Variants in POLR1B observed in about 807,000 individuals in gnomAD.
POLR1B encodes the protein DNA-directed RNA polymerase I subunit RPA2.
Under a neutral mutation model 105.8 loss-of-function variants are expected in POLR1B, and 30 were observed. The ratio of observed to expected loss-of-function variants is 0.28; its 90% CI spans 0.21 to 0.38. The LOEUF (loss-of-function observed/expected upper bound fraction) is 0.38, where lower values mean the gene tolerates loss of function less well. POLR1B is among the 10% of genes least tolerant of loss of function. The probability of loss-of-function intolerance (pLI) is 1.00; values close to 1 mark genes in which losing one functional copy is unlikely to be tolerated. For synonymous variants in POLR1B, 485 were observed against 505.1 expected, an observed-to-expected ratio of 0.96 and a Z score of 0.53; for missense variants, 976 against 1,435.8, an observed-to-expected ratio of 0.68 and a Z score of 5.17.
At chr2:112,546,860 G>A (rs939270842) in intron 1 of POLR1B, 152 bp from the exon 2 acceptor site, 40 of 764,002 alleles carry the variant, frequency 5.2e-5, no homozygotes, top group Non-Finnish European at 8.0e-5. Flanking sequence ...ACTGCGCCCG[G>A]CCAACTGGAG....
chr2:112,547,050 TA>T lies in POLR1B; in HGVS notation c.217del (p.Ile73SerfsTer42). The stretch of plus-strand genomic sequence containing the variant: ...TTGAATTTGCTTTCAAAGATGAGCG[TA>T]TCTCTTTTACTATTCTGGATGCTGT... ...PFEFAFKDERISFTILDAVIS... is the reference protein window; with the variant it reads ...PFEFAFKDERXSFTILDAVIS... On this transcript the variant is annotated frameshift_variant, in exon 2 of 15. Coordinates refer to ENST00000263331, the MANE Select transcript of POLR1B (RefSeq NM_019014.6). LOFTEE classifies it high-confidence loss of function. The T allele has an allele frequency of 6.2e-7, 1 of 1,614,222 alleles. No individual in the cohort carries two copies. Among genetic ancestry groups the T allele is most frequent in the Non-Finnish European group, 8.5e-7 (1 of 1,180,032 alleles).
chr2:112,559,099 G>A (rs998528705), intron 8 of POLR1B, among the ~76,000 whole-genome samples, 194 bp from the exon 9 acceptor site: 3 of 152,100 alleles, frequency 2.0e-5, no homozygotes, highest in African/African-American at 7.2e-5. Flanking sequence ...GGCTAATACA[G>A]TTTGTGAAAT....
chr2:112,542,421 T>C, upstream of POLR1B: 5 of 1,611,678 alleles, frequency 3.1e-6, no homozygotes, highest in Non-Finnish European at 4.2e-6. Flanking sequence ...CTGCGGCCAC[T>C]ACTTCCGGCG....
chr2:112,550,730 T>C (rs1332895493), intron 4 of POLR1B, 136 bp from the exon 5 acceptor site: 4 of 843,158 alleles, frequency 4.7e-6, no homozygotes, highest in Non-Finnish European at 7.3e-6. Context: ...AGAAACATTT[T>C]TGATTGCCAG....
intron 1 of POLR1B, 22 bp downstream of exon 1, chr2:112,542,693 G>T (rs1450541060): frequency 6.2e-7 from 1 of 1,609,342 alleles, no homozygotes; most frequent in Non-Finnish European, 8.5e-7. Context: ...GTCCGCCGGC[G>T]CCCTTGCCGC....
At chr2:112,568,355 C>T (rs1002996046) in intron 11 of POLR1B, among the ~76,000 whole-genome samples, 10 of 152,190 alleles carry the variant, frequency 6.6e-5, no homozygotes, top group African/African-American at 2.4e-4. Flanking sequence ...CTGGTGGTCA[C>T]ATTACCTGCC....
chr2:112,551,539 G>A (rs762238143), intron 5 of POLR1B, among the ~76,000 whole-genome samples: 2 of 152,078 alleles, frequency 1.3e-5, no homozygotes, highest in Non-Finnish European at 2.9e-5. Context: ...GCCTTGATTC[G>A]GCATGGGAGG....
At chr2:112,544,447 A>C (rs979996538) in intron 1 of POLR1B, among the ~76,000 whole-genome samples, 10 of 152,184 alleles carry the variant, frequency 6.6e-5, no homozygotes, top group African/African-American at 2.2e-4. Flanking sequence ...TAAATACATA[A>C]ATAAATAAAC....
chr2:112,542,852 G>A (rs1682835339), intron 1 of POLR1B, 181 bp downstream of exon 1: 1 of 712,304 alleles, frequency 1.4e-6, no homozygotes, highest in Non-Finnish European at 2.3e-6. Flanking sequence ...ACTTGGAGTC[G>A]AGGCGTCTTA....
intron 3 of POLR1B, 123 bp downstream of exon 3, chr2:112,547,690 T>C (rs1683130483): frequency 5.5e-6 from 6 of 1,087,976 alleles, no homozygotes; most frequent in Non-Finnish European, 7.9e-6. Flanking sequence ...GAGATATCAG[T>C]ATCTTGCCTG....
chr2:112,576,004 T>A lies in POLR1B; in HGVS notation c.*275T>A, dbSNP rs1345215509. ...AAGAGCATACGGTGACAAGTCTCCT[T>A]TCCAACCCCAGGTTCCCTACACCCT... On this transcript the variant is annotated 3_prime_UTR_variant, in exon 15 of 15. Coordinates refer to ENST00000263331, the MANE Select transcript of POLR1B (RefSeq NM_019014.6). 4.9e-6 allele frequency: 2 copies of A among 408,530 alleles called. No homozygotes were observed. The highest frequency in any genetic ancestry group is 1.1e-4 in the East Asian group (2 of 18,800). The allele number at this position is 408,530 out of a possible 1,614,324, so 25.3% of individuals were successfully genotyped here.
chr2:112,567,213 C>T (rs543288467), intron 10 of POLR1B, among the ~76,000 whole-genome samples: 13 of 152,188 alleles, frequency 8.5e-5, no homozygotes, highest in Admixed American at 4.6e-4. Flanking sequence ...AACATCTCCC[C>T]GTGTCCCCCT....
chr2:112,559,182 A>C lies in POLR1B; in HGVS notation c.1331-111A>C, dbSNP rs78305861. The C allele has an allele frequency of 4.0e-3, 4,920 of 1,224,422 alleles. 98 individuals are homozygous for C. In the African/African-American group the frequency reaches 0.05, roughly 12 times the overall value. 75.8% of individuals were successfully genotyped at this position (1,224,422 alleles called of 1,614,324 possible). On this transcript the variant is annotated intron_variant, in intron 8 of 14. Coordinates refer to ENST00000263331, the MANE Select transcript of POLR1B (RefSeq NM_019014.6). ...GAGCTAGGAGAATAAATGTTGTAAT[A>C]ATTCATTCTATGATCTGTAGAGTGC... is the stretch of plus-strand genomic sequence containing the variant.
At chr2:112,555,070 A>G (rs528285183) in intron 7 of POLR1B, among the ~76,000 whole-genome samples, 34 of 152,258 alleles carry the variant, frequency 2.2e-4, no homozygotes, top group African/African-American at 8.2e-4. Context: ...AATTCCAGCT[A>G]CTCAGGAGGC....
intron 7 of POLR1B, among the ~76,000 whole-genome samples, chr2:112,555,726 G>A (rs936693938): frequency 6.6e-6 from 1 of 152,180 alleles, no homozygotes; most frequent in African/African-American, 2.4e-5. Context: ...GAGAAACCAA[G>A]GGAAAATTGG....
At chr2:112,572,893 G>T in intron 13 of POLR1B, 135 bp downstream of exon 13, 1 of 714,394 alleles carries the variant, frequency 1.4e-6, no homozygotes, top group Non-Finnish European at 2.2e-6. Context: ...TAAATGATTA[G>T]TTCTTAGTCT....
Position 112,579,193 on chromosome 2 carries a change from G to A in POLR1B, c.*3464G>A, listed in dbSNP as rs574724308. Among the ~76,000 whole-genome samples, 79 of 88,210 alleles carry A rather than the reference G, an allele frequency of 9.0e-4. No homozygotes were observed. Among genetic ancestry groups the A allele is most frequent in the South Asian group, 1.6e-3 (4 of 2,454 alleles). The allele number at this position is 88,210 out of a possible 152,430, so 57.9% of individuals were successfully genotyped here. ...ACTGCACAGCAACCTGGGCAACAGA[G>A]CAAGACTAGAGTCTCAAAAAAAAAA... On this transcript the variant is annotated 3_prime_UTR_variant, in exon 15 of 15. Coordinates refer to ENST00000263331, the MANE Select transcript of POLR1B (RefSeq NM_019014.6).
Position 112,552,646 on chromosome 2 carries a change from C to A in POLR1B, c.988C>A (p.Gln330Lys). 1 of 1,551,978 alleles carries A rather than the reference C, an allele frequency of 6.4e-7. No individual in the cohort carries two copies. Among genetic ancestry groups the A allele is most frequent in the South Asian group, 1.2e-5 (1 of 81,722 alleles). The part of the protein sequence containing the change: ...NEQAAEFLFN[Q>K]CICIHLKSNT... ...TTTTTTTTTTTTCTGTTTTCACAGC[C>A]AGTGCATCTGTATCCACTTGAAATC... Residue 330 changes from glutamine to lysine, a missense_variant and splice_region_variant, in exon 7 of 15, where the codon CAG (glutamine) becomes AAG (lysine). Gln to Lys is a moderately conservative substitution (Grantham distance 53). Transcript: ENST00000263331.
At chr2:112,542,237 G>C, upstream of POLR1B, 1 of 1,535,648 alleles carries the variant, frequency 6.5e-7, no homozygotes, top group Admixed American at 2.0e-5. Context: ...AGATGAGTGG[G>C]GCGGAATATG....
Sources: gnomAD v4.1 joint callset for allele counts (sites outside exome capture counted in the v4.1 genomes callset) on GRCh38, gnomAD v4.1.1 for gene constraint, MANE v1.5 for transcripts, NCBI Gene and HGNC (gene_info 2026-07-23, HGNC 2026-07-21) for gene names.